The following VRK1 variants were observed in gnomAD, a reference collection of about 807,000 sequenced individuals.
VRK1 encodes the protein serine/threonine-protein kinase VRK1.
In VRK1, 33 loss-of-function variants were observed where a neutral mutation model predicts 57.1. That is an observed-to-expected ratio of 0.58 (90% CI 0.44 to 0.77). The LOEUF (loss-of-function observed/expected upper bound fraction) is 0.77, where lower values mean the gene tolerates loss of function less well. Ranked by LOEUF, VRK1 falls within the 30% of genes least tolerant of loss-of-function variation. The pLI is 0.00. For missense variants in VRK1, 413 were observed against 477.3 expected (o/e 0.87, Z 1.25); for synonymous variants, 137 against 147.8 (o/e 0.93, Z 0.53).
At chr14:96,840,858 CT>C (rs56081379) in intron 3 of VRK1, among the ~76,000 whole-genome samples, 14,877 of 143,308 alleles carry the variant, frequency 0.1, 1,059 homozygotes, top group African/African-American at 0.2. Context: ...ATAACTTGAA[CT>C]TTTTTTTTTT....
chr14:96,822,691 G>T (rs1173247836), intron 1 of VRK1, among the ~76,000 whole-genome samples: 5 of 152,198 alleles, frequency 3.3e-5, no homozygotes, highest in African/African-American at 9.6e-5. Flanking sequence ...GTCAGCAGGA[G>T]AATTTTTCTT....
chr14:96,868,812 T>TC (rs1319820507), intron 11 of VRK1, among the ~76,000 whole-genome samples: 1 of 151,678 alleles, frequency 6.6e-6, no homozygotes, highest in African/African-American at 2.4e-5. Flanking sequence ...TTTTTTTTTT[T>TC]TTTTTTTGAG....
chr14:96,802,955 T>A (rs1885721094), intron 1 of VRK1, among the ~76,000 whole-genome samples: 1 of 152,158 alleles, frequency 6.6e-6, no homozygotes, highest in Admixed American at 6.5e-5. Flanking sequence ...AACTGCTGGG[T>A]CATATAGTGA....
chr14:96,826,214 AG>A (rs760215933), intron 1 of VRK1, among the ~76,000 whole-genome samples: 11 of 152,232 alleles, frequency 7.2e-5, no homozygotes, highest in Non-Finnish European at 1.6e-4. Context: ...TCTGAAAAAC[AG>A]AGGACCATTT....
At chr14:96,807,272 C>T (rs1239444403) in intron 1 of VRK1, among the ~76,000 whole-genome samples, 1 of 152,192 alleles carries the variant, frequency 6.6e-6, no homozygotes, top group East Asian at 1.9e-4. Flanking sequence ...TTCTTCTACT[C>T]ACTTCTGCCT....
intron 7 of VRK1, among the ~76,000 whole-genome samples, chr14:96,854,958 CAT>C (rs1312392673): frequency 1.3e-5 from 2 of 149,022 alleles, no homozygotes; most frequent in East Asian, 1.9e-4. Context: ...ACAAGTATAA[CAT>C]ATACTTATCT....
intron 1 of VRK1, among the ~76,000 whole-genome samples, chr14:96,819,874 C>T (rs550851244): frequency 4.6e-5 from 7 of 152,176 alleles, no homozygotes; most frequent in East Asian, 1.9e-4. Context: ...GACGTGCAGT[C>T]GGGCGTTACC....
At chr14:96,864,701 G>A (rs965997883) in intron 11 of VRK1, among the ~76,000 whole-genome samples, 1 of 152,122 alleles carries the variant, frequency 6.6e-6, no homozygotes, top group Non-Finnish European at 1.5e-5. Flanking sequence ...TGCTCTCTCA[G>A]CTTACATTCT....
At chr14:96,880,454 G>A (rs555403989) in intron 12 of VRK1, among the ~76,000 whole-genome samples, 2 of 152,310 alleles carry the variant, frequency 1.3e-5, no homozygotes, top group South Asian at 4.1e-4. Flanking sequence ...CTAGGCAGCC[G>A]TGATCAGGCT....
At chr14:96,835,134 A>C (rs1243968210) in intron 2 of VRK1, among the ~76,000 whole-genome samples, 11 of 152,156 alleles carry the variant, frequency 7.2e-5, no homozygotes, top group Non-Finnish European at 1.5e-4. Flanking sequence ...GGGATGACTA[A>C]TCTGTAAAAG....
chr14:96,852,907 C>G lies in VRK1; in HGVS notation c.451C>G (p.Arg151Gly). The G allele has an allele frequency of 1.2e-6, 2 of 1,613,718 alleles. No individual in the cohort carries two copies. The highest frequency in any genetic ancestry group is 8.5e-7 in the Non-Finnish European group (1 of 1,179,820). Reference protein sequence around the residue: ...IYEANAKRFSRKTVLQLSLRI... With the variant: ...IYEANAKRFSGKTVLQLSLRI... ...TGAAGCAAATGCCAAAAGGTTTTCT[C>G]GGAAAACTGTCTTGCAGCTAAGCTT... is the stretch of plus-strand genomic sequence containing the variant. The change falls in exon 6 of 13, where the codon CGG becomes GGG. Residue 151 changes from arginine (R) to glycine (G), a missense_variant. By Grantham distance (125) the Arg-to-Gly change is moderately radical. Transcript: ENST00000216639.
chr14:96,855,426 A>G lies in VRK1; in HGVS notation c.709+70A>G, dbSNP rs1012429196. 6.2e-6 allele frequency: 10 copies of G among 1,609,190 alleles called. 1 individual carries two copies. Among genetic ancestry groups the G allele is most frequent in the Non-Finnish European group, 8.5e-6 (10 of 1,176,598 alleles). ...CACCCAGATTCCTACATAGTTCTTA[A>G]TTATGCATAAGTAAATGAATAGATA... On this transcript the variant is annotated intron_variant, in intron 8 of 12. Coordinates refer to ENST00000216639, the MANE Select transcript of VRK1 (RefSeq NM_003384.3).
chr14:96,797,593 C>G (rs1885483832), intron 1 of VRK1, 146 bp downstream of exon 1: 1 of 151,908 alleles, frequency 6.6e-6, no homozygotes, highest in South Asian at 2.1e-4. Flanking sequence ...CAGCCTCGGT[C>G]GCCCCGCGGG....
chr14:96,870,418 C>T (rs537619296), intron 11 of VRK1, among the ~76,000 whole-genome samples: 1 of 152,280 alleles, frequency 6.6e-6, no homozygotes, highest in South Asian at 2.1e-4. Flanking sequence ...AGTTTTCGAC[C>T]TTAATGGTGC....
intron 7 of VRK1, among the ~76,000 whole-genome samples, chr14:96,854,882 A>G (rs1016680646): frequency 2.6e-5 from 4 of 152,168 alleles, no homozygotes; most frequent in Admixed American, 2.6e-4. Context: ...TCTGTGCTCA[A>G]TTTTAGAGTC....
chr14:96,813,612 A>G (rs912547352), intron 1 of VRK1, among the ~76,000 whole-genome samples: 3 of 152,046 alleles, frequency 2.0e-5, no homozygotes, highest in African/African-American at 7.2e-5. Flanking sequence ...GGATTTTTGG[A>G]AGTCATATTT....
chr14:96,811,125 C>T (rs188438930), intron 1 of VRK1, among the ~76,000 whole-genome samples: 26 of 152,014 alleles, frequency 1.7e-4, no homozygotes, highest in Non-Finnish European at 3.1e-4. Flanking sequence ...GAGATGGGAT[C>T]TCACCATGTT....
At chr14:96,836,647 C>T (rs762073718) in intron 2 of VRK1, among the ~76,000 whole-genome samples, 1 of 151,648 alleles carries the variant, frequency 6.6e-6, no homozygotes, top group Admixed American at 6.6e-5. Context: ...CTCAGCCTCC[C>T]GAAGTAGCTG....
chr14:96,858,159 T>C (rs1368997518), intron 10 of VRK1, among the ~76,000 whole-genome samples: 2 of 152,094 alleles, frequency 1.3e-5, no homozygotes. Context: ...AGCCTTGACC[T>C]CCTGAGCTCA....
Sources: allele counts gnomAD v4.1 joint callset (sites outside exome capture counted in the v4.1 genomes callset), GRCh38; gene constraint gnomAD v4.1.1; transcripts MANE v1.5; gene names NCBI Gene and HGNC (gene_info 2026-07-23, HGNC 2026-07-21).